The following PTPN3 variants were observed in gnomAD, a reference collection of about 807,000 sequenced individuals.
The protein encoded by PTPN3 is tyrosine-protein phosphatase non-receptor type 3.
In PTPN3, 96 loss-of-function variants were observed where a neutral mutation model predicts 132.7. That is an observed-to-expected ratio of 0.72 (90% CI 0.61 to 0.86). The LOEUF is 0.86. PTPN3 is among the 40% of genes least tolerant of loss of function. The pLI is 0.00. For missense variants in PTPN3, 1,125 were observed against 1,159.6 expected (o/e 0.97, Z 0.43); for synonymous variants, 398 against 429.0 (o/e 0.93, Z 0.89).
At chr9:109,526,449 G>T in the PTPN3 span, among the ~76,000 whole-genome samples, 1 of 151,986 alleles carries the variant, frequency 6.6e-6, no homozygotes, top group Non-Finnish European at 1.5e-5. Flanking sequence ...GAGGTGGGAG[G>T]ATTGCTTGAG....
At chr9:109,413,948 C>T (rs1057280578) in intron 14 of PTPN3, among the ~76,000 whole-genome samples, 1 of 152,178 alleles carries the variant, frequency 6.6e-6, no homozygotes, top group South Asian at 2.1e-4. Context: ...TGAAAGGAGG[C>T]AAAGTCCTGC....
In PTPN3 at chr9:109,422,840, G is replaced by A; in HGVS notation, c.1014C>T (p.Asn338=). The A allele has an allele frequency of 1.2e-6, 2 of 1,613,168 alleles. No homozygotes were observed. Among genetic ancestry groups the A allele is most frequent in the Non-Finnish European group, 1.7e-6 (2 of 1,179,384 alleles). The change falls in exon 13 of 26, where the codon AAC becomes AAT. Residue 338 remains asparagine, a synonymous_variant. Coordinates refer to ENST00000374541, the MANE Select transcript of PTPN3 (RefSeq NM_002829.4). ...GSRNTKKSVN[N]QYCKKVIGGM... is the part of the protein sequence containing the mutation. ...CGCCAATCACCTTTTTGCAATATTG[G>A]TTATTTACCGACCTGAAAAACCAGA...
intron 1 of PTPN3, among the ~76,000 whole-genome samples, chr9:109,491,359 C>T (rs1847454322): frequency 1.3e-5 from 2 of 151,942 alleles, no homozygotes; most frequent in South Asian, 2.1e-4. Flanking sequence ...AAATAATCCT[C>T]AAATGGTTCA....
At chr9:109,475,628 T>C (rs564297239) in intron 1 of PTPN3, among the ~76,000 whole-genome samples, 144 of 152,304 alleles carry the variant, frequency 9.5e-4, no homozygotes, top group African/African-American at 3.1e-3. Flanking sequence ...ACAAAAATAC[T>C]CTGCTAATAT....
At chr9:109,465,504 G>A (rs781536390) in intron 1 of PTPN3, among the ~76,000 whole-genome samples, 8 of 152,128 alleles carry the variant, frequency 5.3e-5, no homozygotes, top group Non-Finnish European at 1.2e-4. Flanking sequence ...GAGATCAGGA[G>A]TTCGAGACCA....
Position 109,404,484 on chromosome 9 carries a change from C to G in PTPN3, c.1917G>C (p.Lys639Asn). 1 of 1,535,264 alleles carries G rather than the reference C, an allele frequency of 6.5e-7. No homozygotes were observed. The highest frequency in any genetic ancestry group is 8.9e-7 in the Non-Finnish European group (1 of 1,128,434). ...TLEGSMAQLK[K>N]GLESGTVLIQ... ...TCAGCACCGTCCCGCTTTCGAGGCC[C>G]TTCTTTAGCTGTGCCATGGATCCCT... The change falls in exon 19 of 26, where the codon AAG becomes AAC. Residue 639 changes from lysine to asparagine, a missense_variant. Lys to Asn is a moderately conservative substitution (Grantham distance 94). Coordinates refer to ENST00000374541, the MANE Select transcript of PTPN3 (RefSeq NM_002829.4).
At chr9:109,404,182 A>G (rs543457472) in intron 19 of PTPN3, among the ~76,000 whole-genome samples, 10 of 152,318 alleles carry the variant, frequency 6.6e-5, no homozygotes. Context: ...GACAGAGTTC[A>G]GCGAGGGTGG....
At chr9:109,521,067 A>G in the PTPN3 span, among the ~76,000 whole-genome samples, 3 of 152,176 alleles carry the variant, frequency 2.0e-5, no homozygotes, top group Non-Finnish European at 2.9e-5. Context: ...ACTCAAGTGT[A>G]TGGAATGTAG....
intron 1 of PTPN3, among the ~76,000 whole-genome samples, chr9:109,474,183 C>T (rs1025408879): frequency 1.3e-5 from 2 of 152,032 alleles, no homozygotes; most frequent in South Asian, 2.1e-4. Context: ...AGGGCAAATG[C>T]CAGCCCATGG....
chr9:109,467,351 T>G (rs1026595832), intron 1 of PTPN3, among the ~76,000 whole-genome samples: 1 of 152,092 alleles, frequency 6.6e-6, no homozygotes, highest in African/African-American at 2.4e-5. Context: ...GAGGAGCTTT[T>G]AAAACCTGCC....
At chr9:109,528,702 C>A in the PTPN3 span, among the ~76,000 whole-genome samples, 1 of 108,342 alleles carries the variant, frequency 9.2e-6, no homozygotes, top group Admixed American at 9.3e-5. Flanking sequence ...GTGCACTTTT[C>A]TATATATATG....
intron 1 of PTPN3, among the ~76,000 whole-genome samples, chr9:109,493,604 C>G (rs1309936762): frequency 6.6e-6 from 1 of 152,214 alleles, no homozygotes; most frequent in Non-Finnish European, 1.5e-5. Context: ...CTCTCAGTAT[C>G]CAAACACTTC....
Position 109,437,971 on chromosome 9 carries a change from C to G in PTPN3, c.587+143G>C, listed in dbSNP as rs538284376. On this transcript the variant is annotated intron_variant, in intron 8 of 25. Coordinates refer to ENST00000374541, the MANE Select transcript of PTPN3 (RefSeq NM_002829.4). ...TATGCCAAATATATCTGCCACCATACCAGCTCAAAGGTTCAAAAACCCCCG... is the reference window on the plus strand; with the variant it reads ...TATGCCAAATATATCTGCCACCATAGCAGCTCAAAGGTTCAAAAACCCCCG... 4 of 990,144 alleles carry G rather than the reference C, an allele frequency of 4.0e-6. No homozygotes were observed. The South Asian group carries it at 9.8e-5, about 24-fold the overall frequency. The allele number at this position is 990,144 out of a possible 1,614,324, so 61.3% of individuals were successfully genotyped here. A position where few individuals can be genotyped will look rare whatever the true frequency, so the allele number is the denominator to read the frequency against.
chr9:109,426,044 A>C (rs1043395706), intron 12 of PTPN3, among the ~76,000 whole-genome samples: 3 of 150,872 alleles, frequency 2.0e-5, no homozygotes, highest in Non-Finnish European at 4.4e-5. Context: ...AGAAAGAAAG[A>C]AAAAAGAAAT....
chr9:109,518,196 A>G, the PTPN3 span, among the ~76,000 whole-genome samples: 6 of 152,176 alleles, frequency 3.9e-5, no homozygotes, highest in African/African-American at 1.4e-4. Context: ...AAACAAAAAC[A>G]TTGACTGGAA....
intron 2 of PTPN3, among the ~76,000 whole-genome samples, chr9:109,458,202 A>G (rs1293821734): frequency 6.6e-6 from 1 of 152,144 alleles, no homozygotes; most frequent in Non-Finnish European, 1.5e-5. Flanking sequence ...GGACCACACA[A>G]ATGGTCATCT....
chr9:109,510,576 A>AAAAAAAAATATATATATAT, the PTPN3 span, among the ~76,000 whole-genome samples: 1 of 47,330 alleles, frequency 2.1e-5, no homozygotes, highest in African/African-American at 7.5e-5. Flanking sequence ...AAAAAAAAAA[A>AAAAAAAAATATATATATAT]ATATATATAT....
At chr9:109,475,480 A>G (rs1846613599) in intron 1 of PTPN3, among the ~76,000 whole-genome samples, 1 of 152,244 alleles carries the variant, frequency 6.6e-6, no homozygotes, top group African/African-American at 2.4e-5. Flanking sequence ...TTTTACATTT[A>G]GCTGTTTCTA....
At chr9:109,425,781 G>A (rs1843219405) in intron 12 of PTPN3, among the ~76,000 whole-genome samples, 1 of 152,086 alleles carries the variant, frequency 6.6e-6, no homozygotes, top group South Asian at 2.1e-4. Flanking sequence ...GGGAGGCCAA[G>A]GTGGGTGGAT....
Sources: allele counts gnomAD v4.1 joint callset (sites outside exome capture counted in the v4.1 genomes callset), GRCh38; gene constraint gnomAD v4.1.1; transcripts MANE v1.5; gene names NCBI Gene and HGNC (gene_info 2026-07-23, HGNC 2026-07-21).